The following DECR1 variants were observed in gnomAD, a reference collection of about 807,000 sequenced individuals.
The protein encoded by DECR1 is 2,4-dienoyl-CoA reductase [(3E)-enoyl-CoA-producing], mitochondrial.
DECR1 carries 44 observed loss-of-function variants against 38.8 expected under a neutral mutation model. That is an observed-to-expected ratio of 1.13 (90% CI 0.89 to 1.46). DECR1 has a LOEUF of 1.46. DECR1 is among the 40% of genes most tolerant of loss of function. The probability of loss-of-function intolerance (pLI) is 0.00; values close to 1 mark genes in which losing one functional copy is unlikely to be tolerated. For missense variants in DECR1, 428 were observed against 405.5 expected (o/e 1.06, Z -0.48); for synonymous variants, 148 against 135.2 (o/e 1.09, Z -0.66).
chr8:90,038,963 G>A (rs1048962843), intron 6 of DECR1, among the ~76,000 whole-genome samples: 1 of 152,122 alleles, frequency 6.6e-6, no homozygotes, highest in Non-Finnish European at 1.5e-5. Context: ...TGTTTTGTGA[G>A]GACTCTTCAG....
At chr8:90,028,400 C>A in intron 5 of DECR1, among the ~76,000 whole-genome samples, 1 of 151,626 alleles carries the variant, frequency 6.6e-6, no homozygotes, top group East Asian at 1.9e-4. Flanking sequence ...TTTTGCTTTT[C>A]TTGCATGTAT....
intron 7 of DECR1, 62 bp downstream of exon 7, chr8:90,042,862 A>G (rs1235590116): frequency 5.0e-6 from 7 of 1,397,020 alleles, no homozygotes; most frequent in Non-Finnish European, 7.1e-6. Flanking sequence ...ACTGATAGGT[A>G]TATTCTGGTT....
intron 1 of DECR1, among the ~76,000 whole-genome samples, chr8:90,009,104 C>T (rs540521290): frequency 6.6e-6 from 1 of 152,292 alleles, no homozygotes; most frequent in East Asian, 1.9e-4. Context: ...GCCTAAGTCT[C>T]CGTAGTGGCT....
Position 90,020,989 on chromosome 8 carries a change from C to A in DECR1, c.498C>A (p.Asp166Glu). The change falls in exon 5 of 10, where the codon GAC (aspartate) becomes GAA (glutamate). Residue 166 changes from aspartate (D) to glutamate (E), a missense_variant. Physicochemically the swap from Asp to Glu is conservative, Grantham distance 45 (BLOSUM62 2). Coordinates refer to ENST00000220764, the MANE Select transcript of DECR1 (RefSeq NM_001359.2). ...CTAATGCTTGGAAAACCATAACTGA[C>A]ATAGTTCTAAATGGCACAGCCTTCG... is the stretch of plus-strand genomic sequence containing the variant. ...LSPNAWKTIT[D>E]IVLNGTAFVT... The A allele has an allele frequency of 6.3e-7, 1 of 1,597,472 alleles. No homozygotes were observed. The highest frequency in any genetic ancestry group is 8.5e-7 in the Non-Finnish European group (1 of 1,173,774).
At chr8:90,019,232 A>T (rs1813088601) in intron 4 of DECR1, 60 bp downstream of exon 4, 1 of 1,327,012 alleles carries the variant, frequency 7.5e-7, no homozygotes, top group African/African-American at 1.4e-5. Flanking sequence ...ACACCCACCA[A>T]CATGTACAAA....
At chr8:90,017,042 A>G (rs1322233401) in intron 1 of DECR1, 82 bp from the exon 2 acceptor site, 1 of 918,274 alleles carries the variant, frequency 1.1e-6, no homozygotes, top group Non-Finnish European at 1.7e-6. Context: ...GATTACTATT[A>G]AATTCAAGAG....
chr8:90,035,491 A>C (rs1813597100), intron 5 of DECR1, among the ~76,000 whole-genome samples: 1 of 151,048 alleles, frequency 6.6e-6, no homozygotes, highest in Non-Finnish European at 1.5e-5. Flanking sequence ...TTTTCCTTTC[A>C]GATGCTGTAT....
At chr8:90,010,402 A>G (rs1812851923) in intron 1 of DECR1, among the ~76,000 whole-genome samples, 1 of 152,226 alleles carries the variant, frequency 6.6e-6, no homozygotes, top group Non-Finnish European at 1.5e-5. Context: ...AGATACCTCC[A>G]GCTAAGGACC....
At chr8:90,034,542 C>T (rs1311323508) in intron 5 of DECR1, among the ~76,000 whole-genome samples, 1 of 152,126 alleles carries the variant, frequency 6.6e-6, no homozygotes, top group Non-Finnish European at 1.5e-5. Flanking sequence ...TCCTCTGCCT[C>T]CTGGGTTCAA....
intron 5 of DECR1, among the ~76,000 whole-genome samples, chr8:90,031,978 G>T (rs1291727150): frequency 6.6e-6 from 1 of 151,978 alleles, no homozygotes; most frequent in East Asian, 1.9e-4. Context: ...CCCCATTGTG[G>T]GGACCACAAA....
chr8:90,034,298 AG>A (rs1205318430), intron 5 of DECR1, among the ~76,000 whole-genome samples: 1 of 152,176 alleles, frequency 6.6e-6, no homozygotes, highest in Non-Finnish European at 1.5e-5. Context: ...GTTATGTAAA[AG>A]ATGTAAACTT....
At position 90,032,849 on chromosome 8, in the gene DECR1, C is replaced by T. The variant is rs552002644; in HGVS notation, c.566-3992C>T. 1.2e-4 allele frequency among the ~76,000 whole-genome samples: 19 copies of T among 152,210 alleles called. No homozygotes were observed. The South Asian group carries it at 2.9e-3, about 23-fold the overall frequency. ...CTTCCATTCTGGTGATGTTTCCTAA[C>T]GCAACTTGCCAAATTATTAATACAC... is the stretch of plus-strand genomic sequence containing the variant. On this transcript the variant is annotated intron_variant, in intron 5 of 9. Transcript: ENST00000220764.
At chr8:90,016,491 C>T (rs945858654) in intron 1 of DECR1, among the ~76,000 whole-genome samples, 3 of 151,726 alleles carry the variant, frequency 2.0e-5, no homozygotes, top group African/African-American at 7.3e-5. Flanking sequence ...AAAAATTTAA[C>T]GGCGTGGTGG....
intron 1 of DECR1, among the ~76,000 whole-genome samples, chr8:90,010,384 G>A (rs1812851524): frequency 6.6e-6 from 1 of 152,178 alleles, no homozygotes; most frequent in Non-Finnish European, 1.5e-5. Context: ...ACTATCCCTT[G>A]TATTACCAGA....
rs368539700 is a variant in DECR1, at chr8:90,036,866, T to C, written c.591T>C (p.Thr197=). ...GAGCAGCATTTCTTTCTATTACTAC[T>C]ATCTATGCTGAGACTGGTTCAGGTT... ...QKGAAFLSIT[T]IYAETGSGFV... is the part of the protein sequence containing the mutation. Residue 197 remains threonine, a synonymous_variant, in exon 6 of 10, where the codon ACT becomes ACC. Transcript: ENST00000220764. 10 of 1,613,094 alleles carry C rather than the reference T, an allele frequency of 6.2e-6. No individual in the cohort carries two copies. The African/African-American group carries it at 8.0e-5, about 13-fold the overall frequency.
intron 1 of DECR1, among the ~76,000 whole-genome samples, chr8:90,003,656 T>C (rs1299951688): frequency 6.6e-6 from 1 of 152,220 alleles, no homozygotes; most frequent in Non-Finnish European, 1.5e-5. Flanking sequence ...TAATAACCAA[T>C]GAGTAGGCCT....
chr8:90,045,053 G>A (rs1447322990), intron 8 of DECR1, 58 bp downstream of exon 8: 1 of 1,584,092 alleles, frequency 6.3e-7, no homozygotes, highest in Non-Finnish European at 8.7e-7. Flanking sequence ...GGGCAGGGAG[G>A]TCTGTTGTGG....
At chr8:90,035,343 C>G (rs955163275) in intron 5 of DECR1, among the ~76,000 whole-genome samples, 17 of 151,666 alleles carry the variant, frequency 1.1e-4, no homozygotes, top group African/African-American at 4.1e-4. Flanking sequence ...ATGCTAGATA[C>G]TGTTCCATAG....
At chr8:90,038,232 A>C (rs748364068) in intron 6 of DECR1, among the ~76,000 whole-genome samples, 2 of 152,024 alleles carry the variant, frequency 1.3e-5, no homozygotes, top group Non-Finnish European at 2.9e-5. Context: ...AACTTACCAT[A>C]CAGCTTTCAT....
Sources: gnomAD v4.1 joint callset for allele counts (sites outside exome capture counted in the v4.1 genomes callset) on GRCh38, gnomAD v4.1.1 for gene constraint, MANE v1.5 for transcripts, NCBI Gene and HGNC (gene_info 2026-07-23, HGNC 2026-07-21) for gene names.